SLC8A1: variants seen among roughly 807,000 people sequenced by gnomAD.
SLC8A1 encodes the protein sodium/calcium exchanger 1.
Under a neutral mutation model 68.3 loss-of-function variants are expected in SLC8A1, and 18 were observed. The observed-to-expected ratio is 0.26, with a 90% confidence interval of 0.18 to 0.39. The LOEUF is 0.39. SLC8A1 is among the 10% of genes least tolerant of loss of function. The probability of loss-of-function intolerance (pLI) is 1.00; values close to 1 mark genes in which losing one functional copy is unlikely to be tolerated. For missense variants in SLC8A1, 985 were observed against 1,156.7 expected, an observed-to-expected ratio of 0.85 and a Z score of 2.15; for synonymous variants, 475 against 415.5, an observed-to-expected ratio of 1.14 and a Z score of -1.74.
intron 2 of SLC8A1, among the ~76,000 whole-genome samples, chr2:40,400,345 G>C (rs1051404240): frequency 6.6e-6 from 1 of 152,178 alleles, no homozygotes; most frequent in African/African-American, 2.4e-5. Flanking sequence ...CGAAAGATGA[G>C]GGTACATAAT....
intron 2 of SLC8A1, among the ~76,000 whole-genome samples, chr2:40,268,891 C>A (rs1264355825): frequency 6.6e-6 from 1 of 152,194 alleles, no homozygotes; most frequent in East Asian, 1.9e-4. Context: ...AAGCTATTAA[C>A]CTCTCAAAAT....
chr2:40,374,042 G>C (rs902427984), intron 2 of SLC8A1, among the ~76,000 whole-genome samples: 1 of 152,090 alleles, frequency 6.6e-6, no homozygotes, highest in Non-Finnish European at 1.5e-5. Context: ...GACGCAGTGA[G>C]GTAAAGTTTG....
At chr2:40,364,622 T>C (rs1675547547) in intron 2 of SLC8A1, among the ~76,000 whole-genome samples, 1 of 152,036 alleles carries the variant, frequency 6.6e-6, no homozygotes, top group African/African-American at 2.4e-5. Flanking sequence ...TTCCTTTTGT[T>C]CGGCAGATGA....
intron 1 of SLC8A1, among the ~76,000 whole-genome samples, chr2:40,487,680 G>A (rs1705056742): frequency 6.6e-6 from 1 of 152,134 alleles, no homozygotes; most frequent in African/African-American, 2.4e-5. Flanking sequence ...AACCAAAACT[G>A]TCTACTCCCA....
chr2:40,143,526 T>C (rs1020452900), intron 6 of SLC8A1, among the ~76,000 whole-genome samples: 2 of 152,330 alleles, frequency 1.3e-5, no homozygotes, highest in Non-Finnish European at 1.5e-5. Flanking sequence ...TTTCAGCTAA[T>C]GGAAAATAAC....
intron 2 of SLC8A1, among the ~76,000 whole-genome samples, chr2:40,421,504 A>G (rs557767288): frequency 6.2e-4 from 94 of 152,320 alleles, no homozygotes; most frequent in African/African-American, 2.1e-3. Context: ...AAGCAAAAAT[A>G]AAATCAAAAA....
intron 2 of SLC8A1, among the ~76,000 whole-genome samples, chr2:40,287,733 A>G (rs529784847): frequency 3.3e-5 from 5 of 151,818 alleles, no homozygotes; most frequent in Non-Finnish European, 7.4e-5. Context: ...CAGGGATGGG[A>G]AACTGGCATG....
At chr2:40,139,978 A>G (rs2041249701) in intron 6 of SLC8A1, among the ~76,000 whole-genome samples, 1 of 152,218 alleles carries the variant, frequency 6.6e-6, no homozygotes, top group Admixed American at 6.5e-5. Context: ...TTGTCACTTC[A>G]GAGAAATGAA....
At chr2:40,220,128 T>A (rs1484553017) in intron 2 of SLC8A1, 4 of 147,726 alleles carry the variant, frequency 2.7e-5, no homozygotes, top group African/African-American at 1.0e-4. Context: ...GGAGAATAAT[T>A]GTTGCTGAAA....
chr2:40,157,212 G>A (rs756630215), intron 6 of SLC8A1, among the ~76,000 whole-genome samples: 8 of 152,104 alleles, frequency 5.3e-5, no homozygotes, highest in African/African-American at 9.7e-5. Flanking sequence ...CAACTTTGGC[G>A]TTTCCATGTA....
chr2:40,391,122 G>A (rs910332202), intron 2 of SLC8A1, among the ~76,000 whole-genome samples: 10 of 150,222 alleles, frequency 6.7e-5, no homozygotes, highest in Admixed American at 2.7e-4. Context: ...CCTTCCTGTT[G>A]AGCATTCTAT....
chr2:40,483,860 T>C (rs1704793044), intron 1 of SLC8A1, among the ~76,000 whole-genome samples: 1 of 152,194 alleles, frequency 6.6e-6, no homozygotes, highest in Non-Finnish European at 1.5e-5. Context: ...AAAGAAATCC[T>C]GGTGATTATA....
At chr2:40,448,939 C>T (rs917789397) in intron 1 of SLC8A1, among the ~76,000 whole-genome samples, 1 of 152,052 alleles carries the variant, frequency 6.6e-6, no homozygotes. Flanking sequence ...TTGAAAGCAA[C>T]ATACTACGAA....
intron 2 of SLC8A1, among the ~76,000 whole-genome samples, chr2:40,350,416 C>G (rs974761456): frequency 6.6e-6 from 1 of 151,820 alleles, no homozygotes; most frequent in African/African-American, 2.4e-5. Flanking sequence ...AGAAGGTTGA[C>G]GCTGCAATGA....
intron 7 of SLC8A1, among the ~76,000 whole-genome samples, chr2:40,136,665 TTCTTCTGCC>T (rs1421263078): frequency 6.6e-6 from 1 of 152,174 alleles, no homozygotes; most frequent in East Asian, 1.9e-4. Flanking sequence ...TTTTTCTTTA[TTCTTCTGCC>T]TGTAGCAACT....
chr2:40,502,512 G>C (rs1386058557), intron 1 of SLC8A1, among the ~76,000 whole-genome samples: 4 of 152,046 alleles, frequency 2.6e-5, no homozygotes, highest in Non-Finnish European at 4.4e-5. Context: ...TATTTATTGA[G>C]TAATTACTAG....
At chr2:40,349,946 G>T (rs1670537738) in intron 2 of SLC8A1, among the ~76,000 whole-genome samples, 1 of 152,014 alleles carries the variant, frequency 6.6e-6, no homozygotes, top group African/African-American at 2.4e-5. Context: ...ATATTAAAAT[G>T]GAGCTCCAAA....
chr2:40,180,944 T>A (rs35068552), intron 2 of SLC8A1, among the ~76,000 whole-genome samples: 28 of 131,974 alleles, frequency 2.1e-4, no homozygotes, highest in Admixed American at 8.9e-4. Context: ...TTTAAATCTT[T>A]TAATAGCTTT....
exon 8 of SLC8A1, chr2:40,107,448 A>C (rs970163255): frequency 1.3e-4 from 20 of 151,974 alleles, no homozygotes; most frequent in Admixed American, 5.2e-4. Context: ...ACTTTCCCAA[A>C]AGGCAGAGGG....
Sources: allele counts gnomAD v4.1 joint callset (sites outside exome capture counted in the v4.1 genomes callset), GRCh38; gene constraint gnomAD v4.1.1; transcripts MANE v1.5; gene names NCBI Gene and HGNC (gene_info 2026-07-23, HGNC 2026-07-21).